FGF2: variants seen among roughly 807,000 people sequenced by gnomAD.
The protein encoded by FGF2 is fibroblast growth factor 2, also known as basic fibroblast growth factor bFGF.
Under a neutral mutation model 15.9 loss-of-function variants are expected in FGF2, and 13 were observed. That is an observed-to-expected ratio of 0.82 (90% CI 0.53 to 1.30). FGF2 has a LOEUF of 1.30. Ranked by LOEUF, FGF2 falls within the 50% of genes most tolerant of loss-of-function variation. The pLI is 0.00. For synonymous variants in FGF2, 90 were observed against 78.4 expected (o/e 1.15, Z -0.78); for missense variants, 163 against 196.9 (o/e 0.83, Z 1.03).
rs1727213582 is a variant in FGF2, at chr4:122,892,492, C to T, written c.*96C>T. The T allele has an allele frequency of 1.3e-6, 2 of 1,567,778 alleles. No individual in the cohort carries two copies. Among genetic ancestry groups the T allele is most frequent in the African/African-American group, 1.4e-5 (1 of 72,496 alleles). On this transcript the variant is annotated 3_prime_UTR_variant, in exon 3 of 3. Coordinates refer to ENST00000644866, the MANE Select transcript of FGF2 (RefSeq NM_001361665.2). Reference sequence around the variant, plus strand: ...TAAAAGAAAATAAATGTGTATAGCTCAGTTTGGATAATTGGTCAAACAATT... The same window carrying T: ...TAAAAGAAAATAAATGTGTATAGCTTAGTTTGGATAATTGGTCAAACAATT...
intron 2 of FGF2, among the ~76,000 whole-genome samples, chr4:122,887,772 A>G (rs1019929237): frequency 6.6e-6 from 1 of 152,204 alleles, no homozygotes; most frequent in Admixed American, 6.5e-5. Flanking sequence ...GGGAACCTTG[A>G]GGTGTTGCCC....
chr4:122,860,903 A>G (rs1390694126), intron 1 of FGF2, among the ~76,000 whole-genome samples: 1 of 152,212 alleles, frequency 6.6e-6, no homozygotes, highest in African/African-American at 2.4e-5. Context: ...CCAGAATATC[A>G]TGGTGCATTT....
At chr4:122,834,841 G>A (rs568438040) in intron 1 of FGF2, among the ~76,000 whole-genome samples, 6 of 152,316 alleles carry the variant, frequency 3.9e-5, no homozygotes, top group Non-Finnish European at 8.8e-5. Context: ...GGGGAGGACA[G>A]GAATCTGAGT....
At chr4:122,877,689 C>G (rs188702537) in intron 2 of FGF2, among the ~76,000 whole-genome samples, 18 of 152,212 alleles carry the variant, frequency 1.2e-4, no homozygotes, top group Admixed American at 1.2e-3. Context: ...ACCAATGCCA[C>G]TGGCCAGTTA....
chr4:122,892,600 T>C lies in FGF2; in HGVS notation c.*204T>C, dbSNP rs1727217252. ...TGTAAAATGTATATTCTCCCTTTTA[T>C]ATTGCATCTGCTGTTACCCAGTGAA... On this transcript the variant is annotated 3_prime_UTR_variant, in exon 3 of 3. Coordinates refer to ENST00000644866, the MANE Select transcript of FGF2 (RefSeq NM_001361665.2). 4.2e-6 allele frequency: 6 copies of C among 1,438,330 alleles called. No individual in the cohort carries two copies. In the South Asian group the frequency reaches 9.2e-5, roughly 22 times the overall value. 89.1% of individuals were successfully genotyped at this position (1,438,330 alleles called of 1,614,324 possible).
At chr4:122,840,012 G>A (rs1431086679) in intron 1 of FGF2, among the ~76,000 whole-genome samples, 4 of 152,124 alleles carry the variant, frequency 2.6e-5, no homozygotes, top group Non-Finnish European at 5.9e-5. Context: ...TGTCTCTGTT[G>A]TCTCTTTGTA....
At position 122,892,485 on chromosome 4, in the gene FGF2, T is replaced by C. The variant is rs567018446; in HGVS notation, c.*89T>C. The C allele has an allele frequency of 1.3e-6, 2 of 1,587,814 alleles. No homozygotes were observed. The highest frequency in any genetic ancestry group is 1.7e-6 in the Non-Finnish European group (2 of 1,163,978). On this transcript the variant is annotated 3_prime_UTR_variant, in exon 3 of 3. Coordinates refer to ENST00000644866, the MANE Select transcript of FGF2 (RefSeq NM_001361665.2). ...ATGAGAGTAAAAGAAAATAAATGTG[T>C]ATAGCTCAGTTTGGATAATTGGTCA...
chr4:122,892,489 G>T lies in FGF2; in HGVS notation c.*93G>T. 2.5e-6 allele frequency: 4 copies of T among 1,573,672 alleles called. No individual in the cohort carries two copies. Among genetic ancestry groups the T allele is most frequent in the Non-Finnish European group, 1.7e-6 (2 of 1,157,878 alleles). The stretch of plus-strand genomic sequence containing the variant: ...GAGTAAAAGAAAATAAATGTGTATA[G>T]CTCAGTTTGGATAATTGGTCAAACA... On this transcript the variant is annotated 3_prime_UTR_variant, in exon 3 of 3. Coordinates refer to ENST00000644866, the MANE Select transcript of FGF2 (RefSeq NM_001361665.2).
At chr4:122,842,107 C>G (rs1196187581) in intron 1 of FGF2, among the ~76,000 whole-genome samples, 1 of 152,166 alleles carries the variant, frequency 6.6e-6, no homozygotes, top group Non-Finnish European at 1.5e-5. Context: ...CTAATGCCCA[C>G]CATGGCTGAC....
At chr4:122,848,290 G>A (rs911208719) in intron 1 of FGF2, among the ~76,000 whole-genome samples, 2 of 152,220 alleles carry the variant, frequency 1.3e-5, no homozygotes, top group African/African-American at 2.4e-5. Context: ...TGGAGTCCAG[G>A]TTCTTTCTTC....
chr4:122,868,209 G>A (rs1181131847), intron 1 of FGF2, among the ~76,000 whole-genome samples: 1 of 151,976 alleles, frequency 6.6e-6, no homozygotes, highest in Non-Finnish European at 1.5e-5. Flanking sequence ...GTGCACATAG[G>A]TATACGTGTG....
At chr4:122,828,131 G>C (rs977866680) in intron 1 of FGF2, among the ~76,000 whole-genome samples, 1 of 152,182 alleles carries the variant, frequency 6.6e-6, no homozygotes, top group Non-Finnish European at 1.5e-5. Context: ...TTGCAGTTTT[G>C]CTTTCTGTAA....
intron 2 of FGF2, among the ~76,000 whole-genome samples, chr4:122,889,175 T>C (rs1727118889): frequency 6.6e-6 from 1 of 152,228 alleles, no homozygotes; most frequent in Non-Finnish European, 1.5e-5. Context: ...TTAATGAGTA[T>C]AATAATGTTA....
chr4:122,831,508 G>A (rs374880), intron 1 of FGF2, among the ~76,000 whole-genome samples: 11,608 of 152,200 alleles, frequency 0.076, 805 homozygotes, highest in South Asian at 0.2. Flanking sequence ...TATCTGGCAA[G>A]TGGATAGCAA....
chr4:122,831,149 A>G (rs756552575), intron 1 of FGF2, among the ~76,000 whole-genome samples: 19 of 152,214 alleles, frequency 1.2e-4, no homozygotes, highest in Non-Finnish European at 2.5e-4. Flanking sequence ...AAAGTCACCA[A>G]TTACTCAAGT....
rs895975445 is a variant in FGF2, at chr4:122,827,035, C to G, written c.-140C>G. On this transcript the variant is annotated 5_prime_UTR_variant, in exon 1 of 3. Coordinates refer to ENST00000644866, the MANE Select transcript of FGF2 (RefSeq NM_001361665.2). The surrounding 1 kb of genome is among the most constrained non-coding windows in gnomAD (Gnocchi z 4.2). ...CTGGGGGACCGCGGGCGCGGCCGCG[C>G]GCTGCCGGGCGGGAGGCTGGGGGGC... is the stretch of plus-strand genomic sequence containing the variant. The G allele has an allele frequency of 4.3e-6, 5 of 1,158,332 alleles. No homozygotes were observed. Among genetic ancestry groups the G allele is most frequent in the African/African-American group, 3.3e-5 (2 of 61,214 alleles). The allele number at this position is 1,158,332 out of a possible 1,614,324, so 71.8% of individuals were successfully genotyped here.
chr4:122,890,925 ATT>A (rs1727161501), intron 2 of FGF2, among the ~76,000 whole-genome samples: 1 of 151,166 alleles, frequency 6.6e-6, no homozygotes, highest in Non-Finnish European at 1.5e-5. Flanking sequence ...TGTAAAAATG[ATT>A]TTTCCTTTTG....
chr4:122,881,171 T>A (rs1465977680), intron 2 of FGF2, among the ~76,000 whole-genome samples: 1 of 152,072 alleles, frequency 6.6e-6, no homozygotes, highest in African/African-American at 2.4e-5. Flanking sequence ...TGAAACCATT[T>A]TTTCCTTGTA....
At position 122,826,834 on chromosome 4, in the gene FGF2, A is replaced by G. The variant is rs1725638555; in HGVS notation, c.-341A>G. On this transcript the variant is annotated 5_prime_UTR_variant, in exon 1 of 3. Transcript: ENST00000644866. ...GTGACGCCGCGGCCCGGCGGGTGCC[A>G]GATTAGCGGACGCGGTGCCCGCGGT... 9 of 1,480,054 alleles carry G rather than the reference A, an allele frequency of 6.1e-6. No homozygotes were observed. Among genetic ancestry groups the G allele is most frequent in the Admixed American group, 2.2e-5 (1 of 46,018 alleles). The allele number at this position is 1,480,054 out of a possible 1,614,324, so 91.7% of individuals were successfully genotyped here.
Sources: allele counts gnomAD v4.1 joint callset (sites outside exome capture counted in the v4.1 genomes callset), GRCh38; gene constraint gnomAD v4.1.1; non-coding constraint Gnocchi (gnomAD v3.1); transcripts MANE v1.5; gene names NCBI Gene and HGNC (gene_info 2026-07-23, HGNC 2026-07-21).